Variants in MGAT5 observed in about 807,000 individuals in gnomAD.
The protein encoded by MGAT5 is alpha-1,6-mannosylglycoprotein 6-beta-N-acetylglucosaminyltransferase A.
Under a neutral mutation model 94.3 loss-of-function variants are expected in MGAT5, and 30 were observed. The observed-to-expected ratio is 0.32, with a 90% CI of 0.24 to 0.43. The LOEUF is 0.43. MGAT5 is among the 20% of genes least tolerant of loss of function. MGAT5 has a pLI of 1.00. For missense variants in MGAT5, 691 were observed against 905.5 expected, an observed-to-expected ratio of 0.76 and a Z score of 3.04; for synonymous variants, 310 against 322.9, an observed-to-expected ratio of 0.96 and a Z score of 0.43.
intron 14 of MGAT5, among the ~76,000 whole-genome samples, chr2:134,436,479 G>A (rs1685167592): frequency 6.6e-6 from 1 of 152,222 alleles, no homozygotes; most frequent in Non-Finnish European, 1.5e-5. Context: ...ATTGAACTAA[G>A]CACACCTGTT....
chr2:134,305,250 G>A (rs537726254), intron 2 of MGAT5, among the ~76,000 whole-genome samples: 9 of 152,100 alleles, frequency 5.9e-5, no homozygotes, highest in Non-Finnish European at 8.8e-5. Flanking sequence ...TATGCGAGAC[G>A]GTGAAAACAA....
intron 1 of MGAT5, among the ~76,000 whole-genome samples, chr2:134,255,230 C>G (rs1227401323): frequency 6.6e-6 from 1 of 151,868 alleles, no homozygotes; most frequent in Admixed American, 6.6e-5. Context: ...GTACTTGTTG[C>G]TTTTTCTTTA....
chr2:134,308,658 T>C (rs1686476267), intron 2 of MGAT5, among the ~76,000 whole-genome samples: 1 of 152,252 alleles, frequency 6.6e-6, no homozygotes, highest in Non-Finnish European at 1.5e-5. Context: ...AATGAGTCAA[T>C]GTCAGAACTT....
chr2:134,233,253 TCA>T (rs940099128), intron 1 of MGAT5, among the ~76,000 whole-genome samples: 2 of 152,216 alleles, frequency 1.3e-5, no homozygotes, highest in African/African-American at 4.8e-5. Flanking sequence ...ATGCAATGAA[TCA>T]CAGTGTAGTT....
At chr2:134,344,805 G>A (rs756835508) in intron 7 of MGAT5, 125 bp from the exon 8 acceptor site, 1 of 1,078,480 alleles carries the variant, frequency 9.3e-7, no homozygotes, top group Non-Finnish European at 1.3e-6. Flanking sequence ...ATTTGAAAGG[G>A]CCATGCTGTC....
At chr2:134,349,756 A>G (rs996877997) in intron 8 of MGAT5, 49 bp from the exon 9 acceptor site, 5 of 1,602,110 alleles carry the variant, frequency 3.1e-6, no homozygotes, top group Non-Finnish European at 3.4e-6. Context: ...TACCTTTTCA[A>G]CTTTGGGGGC....
At chr2:134,402,933 T>C (rs1683135918) in intron 10 of MGAT5, 55 bp from the exon 11 acceptor site, 1 of 1,520,030 alleles carries the variant, frequency 6.6e-7, no homozygotes, top group African/African-American at 1.4e-5. Context: ...ATGATACAGG[T>C]TGTTATGCAA....
At chr2:134,147,695 C>G (rs1014015963) in intron 1 of MGAT5, among the ~76,000 whole-genome samples, 1 of 151,890 alleles carries the variant, frequency 6.6e-6, no homozygotes, top group Admixed American at 6.6e-5. Context: ...TTCCTTCTGT[C>G]TGAGGTCTTA....
intron 1 of MGAT5, among the ~76,000 whole-genome samples, chr2:134,145,149 A>G (rs1686851094): frequency 6.6e-6 from 1 of 151,322 alleles, no homozygotes; most frequent in Non-Finnish European, 1.5e-5. Context: ...TTGGATATGC[A>G]TTGATGTTTT....
chr2:134,219,704 C>G (rs1680663128), intron 1 of MGAT5, among the ~76,000 whole-genome samples: 1 of 152,150 alleles, frequency 6.6e-6, no homozygotes, highest in Non-Finnish European at 1.5e-5. Flanking sequence ...GTAAATGGAG[C>G]TTTTATGAGT....
In MGAT5 at chr2:134,450,303, A is replaced by T. The variant is rs1008552505; in HGVS notation, c.*1456A>T. ...TGCTGGGCGCCTCAGTCGCTCAATG[A>T]TGTGCTCTGTGCCGGGGCTTCCAAG... On this transcript the variant is annotated 3_prime_UTR_variant, in exon 16 of 16. Transcript: ENST00000281923. 2 of 152,076 alleles carry T rather than the reference A, an allele frequency of 1.3e-5. No individual in the cohort carries two copies. The highest frequency in any genetic ancestry group is 4.8e-5 in the African/African-American group (2 of 41,396). The allele number at this position is 152,076 out of a possible 1,614,324, so 9.4% of individuals were successfully genotyped here. A position where few individuals can be genotyped will look rare whatever the true frequency, so the allele number is the denominator to read the frequency against.
chr2:134,345,750 A>G (rs1268392714), intron 8 of MGAT5, among the ~76,000 whole-genome samples: 1 of 152,280 alleles, frequency 6.6e-6, no homozygotes, highest in East Asian at 1.9e-4. Flanking sequence ...GTTTGATGCT[A>G]CTCTGTGTCC....
chr2:134,421,136 C>CT (rs1310116736), intron 12 of MGAT5, among the ~76,000 whole-genome samples: 1 of 152,210 alleles, frequency 6.6e-6, no homozygotes, highest in Non-Finnish European at 1.5e-5. Context: ...ACTGGAGACT[C>CT]TGACATCCTC....
rs546615477 is a variant in MGAT5 at position 134,452,848 on chromosome 2, G to C, written c.*4001G>C. The stretch of plus-strand genomic sequence containing the variant: ...GCAGAGCATCTTCATGTGAGTAGAC[G>C]GATGGACATAAATAGATTCATGCTC... On this transcript the variant is annotated 3_prime_UTR_variant, in exon 16 of 16. Transcript: ENST00000281923. 6.6e-6 allele frequency: 1 copy of C among 152,194 alleles called. No individual in the cohort carries two copies. Among genetic ancestry groups the C allele is most frequent in the African/African-American group, 2.4e-5 (1 of 41,432 alleles). 9.4% of individuals were successfully genotyped at this position (152,194 alleles called of 1,614,324 possible).
At chr2:134,346,261 T>C (rs1688921145) in intron 8 of MGAT5, among the ~76,000 whole-genome samples, 1 of 152,208 alleles carries the variant, frequency 6.6e-6, no homozygotes, top group South Asian at 2.1e-4. Context: ...TTCTCAGTGG[T>C]ACTGTTTAGG....
Position 134,365,034 on chromosome 2 carries a change from C to T in MGAT5, c.1380+2626C>T, listed in dbSNP as rs144302796. Among the ~76,000 whole-genome samples the T allele has an allele frequency of 1.5e-3, 225 of 152,268 alleles. 1 individual carries two copies. Among genetic ancestry groups the T allele is most frequent in the African/African-American group, 5.2e-3 (216 of 41,552 alleles). On this transcript the variant is annotated intron_variant, in intron 10 of 15. Coordinates refer to ENST00000281923, the MANE Select transcript of MGAT5 (RefSeq NM_002410.5). ...GTTCTTGTGTCCCATTCCCCTCTCC[C>T]CTACCCAATCCCGATTCACCTCAGA...
chr2:134,407,337 GTC>G (rs1683400386), intron 11 of MGAT5, among the ~76,000 whole-genome samples: 2 of 152,142 alleles, frequency 1.3e-5, no homozygotes, highest in South Asian at 4.1e-4. Flanking sequence ...CATACTTCAA[GTC>G]ATTCCCATGC....
chr2:134,402,631 A>C (rs1683118427), intron 10 of MGAT5, among the ~76,000 whole-genome samples: 1 of 152,250 alleles, frequency 6.6e-6, no homozygotes, highest in South Asian at 2.1e-4. Flanking sequence ...AGGAAGAGCC[A>C]AAATCAACTG....
intron 10 of MGAT5, among the ~76,000 whole-genome samples, chr2:134,386,055 A>G (rs1034518533): frequency 2.0e-5 from 3 of 152,334 alleles, no homozygotes; most frequent in Middle Eastern, 3.4e-3. Context: ...CACTGGGGAC[A>G]TTTTGATCCG....
Sources: allele counts gnomAD v4.1 joint callset (sites outside exome capture counted in the v4.1 genomes callset), GRCh38; gene constraint gnomAD v4.1.1; transcripts MANE v1.5; gene names NCBI Gene and HGNC (gene_info 2026-07-23, HGNC 2026-07-21).